The following TTC27 variants were observed in gnomAD, a reference collection of about 807,000 sequenced individuals.
The protein encoded by TTC27 is tetratricopeptide repeat domain 27, also known as tetratricopeptide repeat protein 27.
Under a neutral mutation model 115.9 loss-of-function variants are expected in TTC27, and 79 were observed. That is an observed-to-expected ratio of 0.68 (90% confidence interval 0.57 to 0.82). The LOEUF (loss-of-function observed/expected upper bound fraction) is 0.82. TTC27 is among the 40% of genes least tolerant of loss of function. The pLI is 0.00. For synonymous variants in TTC27, 401 were observed against 356.0 expected, an observed-to-expected ratio of 1.13 and a Z score of -1.42; for missense variants, 1,054 against 993.1, an observed-to-expected ratio of 1.06 and a Z score of -0.82.
intron 8 of TTC27, among the ~76,000 whole-genome samples, 183 bp from the exon 9 acceptor site, chr2:32,678,673 C>T (rs1435481057): frequency 2.0e-5 from 3 of 151,988 alleles, no homozygotes; most frequent in African/African-American, 4.8e-5. Context: ...GTGATCTGCC[C>T]GCCTCGGCCT....
intron 12 of TTC27, among the ~76,000 whole-genome samples, chr2:32,742,019 T>C (rs1030544165): frequency 1.2e-4 from 18 of 152,250 alleles, no homozygotes; most frequent in African/African-American, 3.6e-4. Context: ...TATGTAATGC[T>C]ATCTTTTGAG....
intron 9 of TTC27, among the ~76,000 whole-genome samples, chr2:32,698,942 T>C (rs1367343722): frequency 6.6e-6 from 1 of 152,192 alleles, no homozygotes; most frequent in Non-Finnish European, 1.5e-5. Flanking sequence ...CTTGGGAGCA[T>C]ATGTTCCCAA....
At chr2:32,676,759 C>T (rs142548619) in intron 8 of TTC27, among the ~76,000 whole-genome samples, 149 of 151,948 alleles carry the variant, frequency 9.8e-4, no homozygotes, top group African/African-American at 3.5e-3. Context: ...TAAGTGCTGG[C>T]ATTATACGCA....
At chr2:32,703,070 C>T in intron 10 of TTC27, 150 bp downstream of exon 10, 1 of 639,034 alleles carries the variant, frequency 1.6e-6, no homozygotes, top group Non-Finnish European at 2.7e-6. Flanking sequence ...TATAATTTAA[C>T]TTCTTGGTTC....
intron 5 of TTC27, among the ~76,000 whole-genome samples, chr2:32,658,898 C>G (rs1383871062): frequency 1.3e-5 from 2 of 152,144 alleles, no homozygotes; most frequent in African/African-American, 2.4e-5. Context: ...GACTGCCAAG[C>G]CAATATTCAC....
At chr2:32,764,685 ACAG>A (rs1669565349) in intron 13 of TTC27, among the ~76,000 whole-genome samples, 3 of 152,236 alleles carry the variant, frequency 2.0e-5, no homozygotes, top group Non-Finnish European at 2.9e-5. Flanking sequence ...CTCTTTAGCC[ACAG>A]CAGAACTTCT....
At chr2:32,630,188 G>A (rs1664125092) in intron 1 of TTC27, among the ~76,000 whole-genome samples, 1 of 152,148 alleles carries the variant, frequency 6.6e-6, no homozygotes, top group Admixed American at 6.6e-5. Context: ...AAAAGTTTTA[G>A]AACCTTGACT....
intron 15 of TTC27, among the ~76,000 whole-genome samples, chr2:32,786,429 C>T (rs1263325639): frequency 1.3e-5 from 2 of 152,196 alleles, no homozygotes; most frequent in African/African-American, 4.8e-5. Context: ...ATGTGAGCCA[C>T]CATGCCTGGC....
chr2:32,786,716 C>A (rs112708395), intron 15 of TTC27, among the ~76,000 whole-genome samples: 3 of 152,084 alleles, frequency 2.0e-5, no homozygotes, highest in African/African-American at 7.2e-5. Context: ...GGGATTGATA[C>A]CTAGTTTTAA....
At chr2:32,634,685 C>G (rs998473445) in intron 3 of TTC27, among the ~76,000 whole-genome samples, 6 of 151,860 alleles carry the variant, frequency 4.0e-5, no homozygotes, top group African/African-American at 1.5e-4. Context: ...GAGACAGAGT[C>G]TTGCTCTGTC....
chr2:32,664,955 C>T (rs562508609), intron 6 of TTC27, among the ~76,000 whole-genome samples: 2 of 152,060 alleles, frequency 1.3e-5, no homozygotes, highest in Admixed American at 6.6e-5. Context: ...GCCTGAGCCT[C>T]CCTAGTAGCT....
intron 4 of TTC27, among the ~76,000 whole-genome samples, chr2:32,645,153 G>T (rs1664807541): frequency 6.6e-6 from 1 of 152,022 alleles, no homozygotes; most frequent in East Asian, 1.9e-4. Flanking sequence ...TATTTATGAT[G>T]ATATTATTTT....
intron 13 of TTC27, among the ~76,000 whole-genome samples, chr2:32,766,077 G>A (rs191068661): frequency 9.7e-4 from 148 of 152,272 alleles, no homozygotes; most frequent in Middle Eastern, 6.8e-3. Context: ...TCATAACTTG[G>A]TTAACAGTTT....
intron 12 of TTC27, among the ~76,000 whole-genome samples, chr2:32,743,639 G>GAACC (rs1322799473): frequency 6.6e-6 from 1 of 152,118 alleles, no homozygotes; most frequent in African/African-American, 2.4e-5. Flanking sequence ...TCAGGATGGG[G>GAACC]AACCCCTCAA....
intron 9 of TTC27, among the ~76,000 whole-genome samples, chr2:32,688,222 A>G (rs756015346): frequency 6.6e-6 from 1 of 152,152 alleles, no homozygotes; most frequent in Non-Finnish European, 1.5e-5. Flanking sequence ...ATTAAACTGC[A>G]TATTTTATCC....
intron 3 of TTC27, among the ~76,000 whole-genome samples, chr2:32,638,540 G>A (rs918389944): frequency 7.2e-5 from 11 of 151,946 alleles, no homozygotes; most frequent in Admixed American, 2.6e-4. Context: ...CACTATGCCC[G>A]GCTAATTTTT....
At chr2:32,687,761 A>G (rs528242974) in intron 9 of TTC27, among the ~76,000 whole-genome samples, 2 of 152,320 alleles carry the variant, frequency 1.3e-5, no homozygotes, top group East Asian at 3.9e-4. Context: ...AGACATAGTA[A>G]TTATAAATGT....
intron 14 of TTC27, among the ~76,000 whole-genome samples, chr2:32,780,563 C>T (rs1057291860): frequency 6.6e-6 from 1 of 152,152 alleles, no homozygotes; most frequent in Non-Finnish European, 1.5e-5. Context: ...CCTCAGCCTC[C>T]CGATTAGCTG....
At chr2:32,816,506 T>C (rs1671505633) in intron 18 of TTC27, among the ~76,000 whole-genome samples, 1 of 152,178 alleles carries the variant, frequency 6.6e-6, no homozygotes, top group Non-Finnish European at 1.5e-5. Flanking sequence ...ATTATGTTTG[T>C]ACAAAGCTCT....
Sources: gnomAD v4.1 joint callset for allele counts (sites outside exome capture counted in the v4.1 genomes callset) on GRCh38, gnomAD v4.1.1 for gene constraint, MANE v1.5 for transcripts, NCBI Gene and HGNC (gene_info 2026-07-23, HGNC 2026-07-21) for gene names.